PLAA: variants seen among roughly 807,000 people sequenced by gnomAD.
The protein encoded by PLAA is phospholipase A2 activating protein.
A neutral mutation model predicts 84.1 loss-of-function variants in PLAA; 48 were observed. The observed-to-expected ratio is 0.57, with a 90% CI of 0.45 to 0.73. The LOEUF (loss-of-function observed/expected upper bound fraction) is 0.73. Ranked by LOEUF, PLAA falls within the 30% of genes least tolerant of loss-of-function variation. PLAA has a pLI of 0.00. For synonymous variants in PLAA, 392 were observed against 336.6 expected, an observed-to-expected ratio of 1.16 and a Z score of -1.80; for missense variants, 903 against 954.7, an observed-to-expected ratio of 0.95 and a Z score of 0.71.
intron 2 of PLAA, among the ~76,000 whole-genome samples, chr9:26,929,549 A>C (rs942324872): frequency 4.6e-5 from 7 of 152,214 alleles, no homozygotes; most frequent in Admixed American, 1.3e-4. Context: ...ACAGCCATAA[A>C]GAACCTTGGA....
At position 26,910,322 on chromosome 9, in the gene PLAA, A is replaced by C; in HGVS notation, c.1657+16T>G. On this transcript the variant is annotated intron_variant, in intron 12 of 13. Transcript: ENST00000397292. Reference sequence around the variant, plus strand: ...CAGTCTGTGAATATGTGAATAAATTAATTAAAGAAACTTACCTAATATTTG... The same window carrying C: ...CAGTCTGTGAATATGTGAATAAATTCATTAAAGAAACTTACCTAATATTTG... The C allele has an allele frequency of 6.4e-7, 1 of 1,562,086 alleles. No homozygotes were observed.
chr9:26,931,622 A>G (rs966122695), intron 2 of PLAA, among the ~76,000 whole-genome samples: 1 of 152,232 alleles, frequency 6.6e-6, no homozygotes, highest in African/African-American at 2.4e-5. Context: ...TACAAGAAAT[A>G]TAGGTGACTG....
At chr9:26,919,174 T>A (rs558355361) in intron 9 of PLAA, 136 bp downstream of exon 9, 35 of 528,486 alleles carry the variant, frequency 6.6e-5, no homozygotes, top group Admixed American at 5.7e-4. Context: ...GGCTTAAACA[T>A]ATGAATGTGA....
chr9:26,910,252 C>G (rs889830142), intron 12 of PLAA, 86 bp downstream of exon 12: 2 of 905,590 alleles, frequency 2.2e-6, no homozygotes, highest in African/African-American at 3.3e-5. Flanking sequence ...GTACCCAATT[C>G]CTGACACATG....
intron 10 of PLAA, chr9:26,916,166 C>T (rs187444555): frequency 7.1e-6 from 7 of 984,328 alleles, no homozygotes; most frequent in Admixed American, 6.2e-5. Context: ...GCTGACCTAA[C>T]GTTGTATGTT....
At chr9:26,938,434 C>G (rs529597793) in intron 1 of PLAA, among the ~76,000 whole-genome samples, 2 of 151,976 alleles carry the variant, frequency 1.3e-5, no homozygotes, top group African/African-American at 4.8e-5. Context: ...CACCTGTAGT[C>G]CCAGTTACTT....
At chr9:26,934,535 A>C (rs904195027) in intron 2 of PLAA, among the ~76,000 whole-genome samples, 3 of 137,714 alleles carry the variant, frequency 2.2e-5, no homozygotes, top group African/African-American at 8.4e-5. Flanking sequence ...GCTGGAGTGC[A>C]GTGGCAGGAT....
At chr9:26,937,666 G>A (rs1298198098) in intron 1 of PLAA, among the ~76,000 whole-genome samples, 3 of 152,188 alleles carry the variant, frequency 2.0e-5, no homozygotes, top group Middle Eastern at 3.4e-3. Context: ...AGAAAATTAT[G>A]CATGAAGAAA....
chr9:26,920,414 T>C (rs752492762), intron 7 of PLAA, 30 bp from the exon 8 acceptor site: 2 of 1,459,658 alleles, frequency 1.4e-6, no homozygotes, highest in East Asian at 2.3e-5. Context: ...GAATCAAAGG[T>C]AGAATGGCAA....
chr9:26,910,470 A>C (rs1824366139), intron 11 of PLAA, 31 bp from the exon 12 acceptor site: 1 of 1,505,452 alleles, frequency 6.6e-7, no homozygotes, highest in Non-Finnish European at 9.2e-7. Context: ...GATGATAATC[A>C]CAAGGAGTGA....
At chr9:26,941,184 G>C (rs1248929910) in intron 1 of PLAA, among the ~76,000 whole-genome samples, 1 of 150,748 alleles carries the variant, frequency 6.6e-6, no homozygotes, top group Non-Finnish European at 1.5e-5. Flanking sequence ...CAAAACACGG[G>C]GGGTGGGGGA....
At chr9:26,915,371 T>G (rs931456169) in intron 10 of PLAA, among the ~76,000 whole-genome samples, 2 of 152,170 alleles carry the variant, frequency 1.3e-5, no homozygotes, top group African/African-American at 4.8e-5. Flanking sequence ...ATAAGTAATT[T>G]AAACAAGCTT....
chr9:26,943,306 G>A lies in PLAA; in HGVS notation c.149+3591C>T, dbSNP rs375484647. Among the ~76,000 whole-genome samples the A allele has an allele frequency of 8.5e-5, 13 of 152,304 alleles. No homozygotes were observed. The South Asian group carries it at 2.5e-3, about 29-fold the overall frequency. The stretch of plus-strand genomic sequence containing the variant: ...GGGTTTTCAAAGGGCTTTTGTGAAA[G>A]ACTAGGTACCTGGTTTAGTCTACTC... On this transcript the variant is annotated intron_variant, in intron 1 of 13. Transcript: ENST00000397292.
chr9:26,924,531 T>C (rs1272440590), intron 6 of PLAA, among the ~76,000 whole-genome samples: 1 of 152,174 alleles, frequency 6.6e-6, no homozygotes, highest in Non-Finnish European at 1.5e-5. Flanking sequence ...TGCCTTTTTT[T>C]CTATCATTTT....
chr9:26,927,927 A>G (rs1285446233), intron 4 of PLAA, among the ~76,000 whole-genome samples, 173 bp downstream of exon 4: 1 of 152,236 alleles, frequency 6.6e-6, no homozygotes, highest in East Asian at 1.9e-4. Context: ...AGGTTTCATT[A>G]TCTTTTTAAA....
chr9:26,903,475 A>C lies in PLAA; in HGVS notation c.*2036T>G, dbSNP rs1824141084. ...TATGATACAACGCTTTTTTAATAAA[A>C]TAAAATACATTTACATACATAGTCA... On this transcript the variant is annotated 3_prime_UTR_variant, in exon 14 of 14. Transcript: ENST00000397292. Among the ~76,000 whole-genome samples, 1 of 152,246 alleles carries C rather than the reference A, an allele frequency of 6.6e-6. No homozygotes were observed. The highest frequency in any genetic ancestry group is 1.5e-5 in the Non-Finnish European group (1 of 68,028).
intron 1 of PLAA, among the ~76,000 whole-genome samples, chr9:26,946,577 G>T (rs1825726175): frequency 1.3e-5 from 2 of 151,252 alleles, no homozygotes; most frequent in Admixed American, 6.6e-5. Context: ...GGGTGCAACT[G>T]CAATCAGTAA....
chr9:26,936,576 G>C (rs1587187170), intron 1 of PLAA, among the ~76,000 whole-genome samples: 1 of 152,312 alleles, frequency 6.6e-6, no homozygotes, highest in African/African-American at 2.4e-5. Context: ...CCTGCTCTTG[G>C]CACAGTAGCA....
intron 2 of PLAA, among the ~76,000 whole-genome samples, chr9:26,932,523 C>T (rs1025219836): frequency 6.6e-6 from 1 of 152,198 alleles, no homozygotes; most frequent in Admixed American, 6.5e-5. Context: ...ACTACAACTG[C>T]AGAGTTGAGC....
Sources: allele counts gnomAD v4.1 joint callset (sites outside exome capture counted in the v4.1 genomes callset), GRCh38; gene constraint gnomAD v4.1.1; transcripts MANE v1.5; gene names NCBI Gene and HGNC (gene_info 2026-07-23, HGNC 2026-07-21).